Variants in GLIPR1L1 observed in about 807,000 individuals in gnomAD.
GLIPR1L1 encodes the protein GLIPR1 like 1.
A neutral mutation model predicts 29.9 loss-of-function variants in GLIPR1L1; 26 were observed. The ratio of observed to expected loss-of-function variants is 0.87; its 90% CI spans 0.64 to 1.21. The LOEUF (loss-of-function observed/expected upper bound fraction) is 1.21. Among genes scored for constraint, GLIPR1L1 ranks in the 50% most tolerant of loss-of-function variants. The probability of loss-of-function intolerance (pLI) is 0.00; values close to 1 mark genes in which losing one functional copy is unlikely to be tolerated. For synonymous variants in GLIPR1L1, 77 were observed against 97.5 expected, an observed-to-expected ratio of 0.79 and a Z score of 1.24; for missense variants, 305 against 290.3, an observed-to-expected ratio of 1.05 and a Z score of -0.37.
chr12:75,366,845 C>G, intron 4 of GLIPR1L1: 2 of 700,340 alleles, frequency 2.9e-6, no homozygotes, highest in Non-Finnish European at 5.2e-6. Flanking sequence ...GCTCTATATG[C>G]ATTTCTTGAA....
At chr12:75,363,217 AC>A (rs1300364496) in intron 4 of GLIPR1L1, 27 bp downstream of exon 4, 1 of 1,027,642 alleles carries the variant, frequency 9.7e-7, no homozygotes, top group African/African-American at 1.7e-5. Flanking sequence ...ATATATAATT[AC>A]ATTTAGAGAG....
Position 75,337,923 on chromosome 12 carries a change from C to T in GLIPR1L1, c.174+3021C>T, listed in dbSNP as rs2041848167. The stretch of plus-strand genomic sequence containing the variant: ...TAAATCTTTTAACAGGGATATTTAA[C>T]CAATGTATGAATGAGATCATTCATC... On this transcript the variant is annotated intron_variant, in intron 1 of 5. Coordinates refer to ENST00000378695, the MANE Select transcript of GLIPR1L1 (RefSeq NM_001304964.2). 7.2e-5 allele frequency among the ~76,000 whole-genome samples: 11 copies of T among 152,104 alleles called. No homozygotes were observed. In the South Asian group the frequency reaches 2.3e-3, roughly 32 times the overall value.
intron 4 of GLIPR1L1, 94 bp from the exon 5 acceptor site, chr12:75,369,866 A>G (rs2044244570): frequency 2.3e-6 from 3 of 1,332,366 alleles, no homozygotes; most frequent in Non-Finnish European, 1.9e-6. Flanking sequence ...AATTTTTGTT[A>G]GTTGATTGTC....
At chr12:75,360,706 T>C (rs1331595372) in intron 3 of GLIPR1L1, 2 of 152,218 alleles carry the variant, frequency 1.3e-5, no homozygotes, top group Non-Finnish European at 2.9e-5. Context: ...GTCTGGAGAA[T>C]GGTGGCCCTG....
At chr12:75,348,181 TTAAAGGGAAACTCCAAAAATGAAATTC>T (rs2042579002) in intron 3 of GLIPR1L1, among the ~76,000 whole-genome samples, 1 of 152,162 alleles carries the variant, frequency 6.6e-6, no homozygotes, top group Non-Finnish European at 1.5e-5. Flanking sequence ...TAGCATAAGC[TTAAAGGGAAACTCCAAAAATGAAATTC>T]TAGTCCTCTA....
intron 3 of GLIPR1L1, among the ~76,000 whole-genome samples, chr12:75,354,185 T>C (rs1226486246): frequency 6.8e-6 from 1 of 147,862 alleles, no homozygotes; most frequent in East Asian, 2.0e-4. Context: ...GGTATTCAAA[T>C]AGGAAAAGAG....
rs1165199750 is a variant in GLIPR1L1, at chr12:75,334,862, G to T, written c.134G>T (p.Arg45Leu). The T allele has an allele frequency of 1.2e-6, 2 of 1,614,002 alleles. No individual in the cohort carries two copies. The highest frequency in any genetic ancestry group is 2.7e-5 in the African/African-American group (2 of 74,906). Residue 45 changes from arginine (R) to leucine (L), a missense_variant, in exon 1 of 6, where the codon CGT becomes CTT. By Grantham distance (102) the Arg-to-Leu change is moderately radical. Transcript: ENST00000378695. ...DNCIEAHNEWRGKVNPPAADM... is the reference protein window; with the variant it reads ...DNCIEAHNEWLGKVNPPAADM... The stretch of plus-strand genomic sequence containing the variant: ...TGCATAGAAGCCCACAACGAATGGC[G>T]TGGCAAAGTCAACCCTCCCGCGGCC...
chr12:75,341,639 G>T lies in GLIPR1L1; in HGVS notation c.175-2054G>T, dbSNP rs373629491. On this transcript the variant is annotated intron_variant, in intron 1 of 5. Coordinates refer to ENST00000378695, the MANE Select transcript of GLIPR1L1 (RefSeq NM_001304964.2). ...TTTTTTGTATTTTTAGTGGAGACGC[G>T]GTTTCACCGTGTTAGCCAGGACGGT... Among the ~76,000 whole-genome samples, 24 of 151,728 alleles carry T rather than the reference G, an allele frequency of 1.6e-4. No homozygotes were observed. In the Middle Eastern group the frequency reaches 0.01, roughly 65 times the overall value.
intron 4 of GLIPR1L1, 122 bp from the exon 5 acceptor site, chr12:75,369,837 CT>C: frequency 7.5e-7 from 1 of 1,325,918 alleles, no homozygotes; most frequent in Non-Finnish European, 9.6e-7. Context: ...GTTTCATTTT[CT>C]TGTTAAAAAG....
At chr12:75,346,795 G>A (rs771460878) in intron 2 of GLIPR1L1, among the ~76,000 whole-genome samples, 3 of 152,040 alleles carry the variant, frequency 2.0e-5, no homozygotes, top group Admixed American at 1.3e-4. Context: ...ATCAATTTAC[G>A]AAATAGCTTA....
intron 3 of GLIPR1L1, among the ~76,000 whole-genome samples, chr12:75,358,799 A>C (rs2043334760): frequency 6.9e-6 from 1 of 143,928 alleles, no homozygotes. Context: ...ACAATATATA[A>C]TATATTATAT....
chr12:75,338,452 T>A (rs2139265590), intron 1 of GLIPR1L1, among the ~76,000 whole-genome samples: 1 of 152,294 alleles, frequency 6.6e-6, no homozygotes, highest in African/African-American at 2.4e-5. Flanking sequence ...TATATGATCA[T>A]CTCAATAGAG....
intron 3 of GLIPR1L1, among the ~76,000 whole-genome samples, chr12:75,352,572 C>T (rs912903073): frequency 6.6e-6 from 1 of 152,176 alleles, no homozygotes; most frequent in African/African-American, 2.4e-5. Flanking sequence ...TAACACCCCA[C>T]TGTCAATATT....
At chr12:75,341,747 C>CTTTTTTTTTT (rs1185408752) in intron 1 of GLIPR1L1, among the ~76,000 whole-genome samples, 4 of 83,406 alleles carry the variant, frequency 4.8e-5, no homozygotes, top group African/African-American at 1.6e-4. Flanking sequence ...CGCCCGGCCT[C>CTTTTTTTTTT]TTTTTTTTTT....
intron 1 of GLIPR1L1, among the ~76,000 whole-genome samples, chr12:75,340,188 T>A (rs2042010714): frequency 6.6e-6 from 1 of 150,738 alleles, no homozygotes; most frequent in Non-Finnish European, 1.5e-5. Flanking sequence ...CACATTTTCT[T>A]TATTAACTTA....
In GLIPR1L1 at chr12:75,370,339, G is replaced by A. The variant is rs1014226805; in HGVS notation, c.*163G>A. The A allele has an allele frequency of 3.9e-6, 2 of 512,768 alleles. No individual in the cohort carries two copies. Among genetic ancestry groups the A allele is most frequent in the Non-Finnish European group, 7.0e-6 (2 of 287,332 alleles). The allele number at this position is 512,768 out of a possible 1,614,324, so 31.8% of individuals were successfully genotyped here. ...TAACTCAAAAAATGTACTGTAGTAT[G>A]GAAAATGGATAGCAGTAGAATAAAG... On this transcript the variant is annotated 3_prime_UTR_variant, in exon 6 of 6. Coordinates refer to ENST00000378695, the MANE Select transcript of GLIPR1L1 (RefSeq NM_001304964.2).
At chr12:75,360,098 C>A (rs2043469638) in intron 3 of GLIPR1L1, 1 of 152,088 alleles carries the variant, frequency 6.6e-6, no homozygotes, top group African/African-American at 2.4e-5. Flanking sequence ...GGAAACTGCC[C>A]CCATGATCCA....
Position 75,334,870 on chromosome 12 carries a change from G to A in GLIPR1L1, c.142G>A (p.Val48Ile), listed in dbSNP as rs1300342155. The change falls in exon 1 of 6, where the codon GTC (valine) becomes ATC (isoleucine). Residue 48 changes from valine to isoleucine, a missense_variant. Physicochemically the swap from Val to Ile is conservative, Grantham distance 29. Transcript: ENST00000378695. ...IEAHNEWRGK[V>I]NPPAADMKYM... ...AGCCCACAACGAATGGCGTGGCAAA[G>A]TCAACCCTCCCGCGGCCGACATGAA... The A allele has an allele frequency of 1.2e-6, 2 of 1,614,010 alleles. No homozygotes were observed. Among genetic ancestry groups the A allele is most frequent in the African/African-American group, 2.7e-5 (2 of 74,916 alleles).
chr12:75,358,702 C>T (rs984825837), intron 3 of GLIPR1L1, among the ~76,000 whole-genome samples: 2 of 143,970 alleles, frequency 1.4e-5, no homozygotes, highest in African/African-American at 5.1e-5. Flanking sequence ...TTTTGTTTTG[C>T]TTTTTTAAAC....
Sources: allele counts gnomAD v4.1 joint callset (sites outside exome capture counted in the v4.1 genomes callset), GRCh38; gene constraint gnomAD v4.1.1; transcripts MANE v1.5; gene names NCBI Gene and HGNC (gene_info 2026-07-23, HGNC 2026-07-21).